PCDHAC2: variants seen among roughly 807,000 people sequenced by gnomAD.
PCDHAC2 encodes protocadherin alpha-C2.
Under a neutral mutation model 63.3 loss-of-function variants are expected in PCDHAC2, and 24 were observed. The ratio of observed to expected loss-of-function variants is 0.38; its 90% CI spans 0.27 to 0.53. The LOEUF is 0.53. PCDHAC2 is among the 20% of genes least tolerant of loss of function. The pLI, the probability that PCDHAC2 is intolerant of heterozygous loss-of-function variation, is 0.81. For missense variants in PCDHAC2, 1,181 were observed against 1,275.2 expected, an observed-to-expected ratio of 0.93 and a Z score of 1.12; for synonymous variants, 569 against 529.4, an observed-to-expected ratio of 1.07 and a Z score of -1.03.
intron 3 of PCDHAC2, among the ~76,000 whole-genome samples, chr5:140,984,877 C>A (rs1178230954): frequency 1.3e-5 from 2 of 151,944 alleles, no homozygotes; most frequent in Non-Finnish European, 2.9e-5. Flanking sequence ...TATTGAGTTA[C>A]CATGAGAACT....
At chr5:141,006,637 T>C (rs782585273) in intron 3 of PCDHAC2, among the ~76,000 whole-genome samples, 8 of 152,118 alleles carry the variant, frequency 5.3e-5, no homozygotes, top group Non-Finnish European at 1.2e-4. Flanking sequence ...GCAATTCATA[T>C]AAGAGATGAT....
At position 140,992,156 on chromosome 5, in the gene PCDHAC2, A is replaced by G. The variant is rs79603129; in HGVS notation, c.2713+9593A>G. On this transcript the variant is annotated intron_variant, in intron 3 of 3. Coordinates refer to ENST00000289269, the MANE Select transcript of PCDHAC2 (RefSeq NM_018899.6). ...TGATGATGCTAACTTTGCTCAATCA[A>G]GAAGTGTGATCCATTTAAATCATGC... Among the ~76,000 whole-genome samples the G allele has an allele frequency of 2.1e-3, 313 of 152,232 alleles. 2 individuals carry two copies. The highest frequency in any genetic ancestry group is 3.8e-3 in the Non-Finnish European group (258 of 67,998).
intron 3 of PCDHAC2, among the ~76,000 whole-genome samples, chr5:140,983,433 G>A (rs1306046524): frequency 1.3e-5 from 2 of 152,208 alleles, no homozygotes; most frequent in African/African-American, 4.8e-5. Context: ...CACAAATTGT[G>A]TCTACTCTAA....
At chr5:141,005,548 A>G (rs970223535) in intron 3 of PCDHAC2, among the ~76,000 whole-genome samples, 2 of 151,322 alleles carry the variant, frequency 1.3e-5, no homozygotes, top group African/African-American at 4.9e-5. Flanking sequence ...CTAAAAATAC[A>G]AAAATTAGCC....
chr5:140,994,281 G>T (rs2097610222), intron 3 of PCDHAC2, among the ~76,000 whole-genome samples: 1 of 152,144 alleles, frequency 6.6e-6, no homozygotes. Flanking sequence ...CCTTTCTTGA[G>T]ACAGTCCCCA....
At position 140,967,460 on chromosome 5, in the gene PCDHAC2, G is replaced by C; in HGVS notation, c.694G>C (p.Gly232Arg). 6.2e-7 allele frequency: 1 copy of C among 1,613,538 alleles called. No homozygotes were observed. The highest frequency in any genetic ancestry group is 1.3e-5 in the African/African-American group (1 of 75,062). Residue 232 changes from glycine to arginine, a missense_variant, in exon 1 of 4, where the codon GGG becomes CGG. By Grantham distance (125) the Gly-to-Arg change is moderately radical. This residue lies in a region of PCDHAC2 where 968 missense variants were observed against 1,073.5 expected (regional missense o/e 0.90). Coordinates refer to ENST00000289269, the MANE Select transcript of PCDHAC2 (RefSeq NM_018899.6). ...CCACCTGGTTCTCACAGCCGTGGAT[G>C]GGGGCATCCCAGCCCGCTCGGGTAC... is the stretch of plus-strand genomic sequence containing the variant. Reference protein sequence around the residue: ...LHHLVLTAVDGGIPARSGTAQ... With the variant: ...LHHLVLTAVDRGIPARSGTAQ...
chr5:140,985,096 C>A (rs1486346952), intron 3 of PCDHAC2, among the ~76,000 whole-genome samples: 1 of 152,096 alleles, frequency 6.6e-6, no homozygotes, highest in Non-Finnish European at 1.5e-5. Context: ...TGCCACCAAG[C>A]CTGGCTAATT....
At position 140,993,460 on chromosome 5, in the gene PCDHAC2, T is replaced by TCACACA. The variant is rs1554253699; in HGVS notation, c.2713+10898_2713+10899insACACAC. ...TTCATTCCTGTTCTCCTTCTTTCTT[T>TCACACA]CTCACACACACACACACACACACAC... On this transcript the variant is annotated intron_variant, in intron 3 of 3. Transcript: ENST00000289269. Among the ~76,000 whole-genome samples, 49 of 104,564 alleles carry TCACACA rather than the reference T, an allele frequency of 4.7e-4. 1 individual carries two copies. Among genetic ancestry groups the TCACACA allele is most frequent in the Admixed American group, 1.8e-3 (15 of 8,460 alleles). 68.6% of individuals were successfully genotyped at this position (104,564 alleles called of 152,430 possible).
chr5:141,009,702 C>T lies in PCDHAC2; in HGVS notation c.2789C>T (p.Pro930Leu). 1 of 1,614,056 alleles carries T rather than the reference C, an allele frequency of 6.2e-7. No individual in the cohort carries two copies. The highest frequency in any genetic ancestry group is 8.5e-7 in the Non-Finnish European group (1 of 1,180,028). The change falls in exon 4 of 4, where the codon CCA becomes CTA. Residue 930 changes from proline to leucine, a missense_variant. Transcript: ENST00000289269. ...AACAGCTGGACCTTTAAATACGGAC[C>T]AGGCAACCCCAAACAATCCGGTCCC... is the stretch of plus-strand genomic sequence containing the variant. The part of the protein sequence containing the change: ...NSNSWTFKYG[P>L]GNPKQSGPGE...
intron 3 of PCDHAC2, among the ~76,000 whole-genome samples, chr5:141,005,012 G>T (rs782256217): frequency 3.3e-5 from 5 of 152,212 alleles, no homozygotes; most frequent in Non-Finnish European, 4.4e-5. Context: ...CCTGAGAGCT[G>T]CATTATATAT....
intron 3 of PCDHAC2, among the ~76,000 whole-genome samples, chr5:141,002,682 G>T (rs536105955): frequency 6.6e-6 from 1 of 152,140 alleles, no homozygotes; most frequent in Non-Finnish European, 1.5e-5. Flanking sequence ...CCTATACGAC[G>T]TGCAGATTTG....
chr5:140,967,056 G>C lies in PCDHAC2; in HGVS notation c.290G>C (p.Gly97Ala). 6.2e-7 allele frequency: 1 copy of C among 1,612,712 alleles called. No homozygotes were observed. Among genetic ancestry groups the C allele is most frequent in the Non-Finnish European group, 8.5e-7 (1 of 1,179,686 alleles). The change falls in exon 1 of 4, where the codon GGA (glycine) becomes GCA (alanine). Residue 97 changes from glycine (G) to alanine (A), a missense_variant. Transcript: ENST00000289269. ...PRYLELDLTS[G>A]ALFVNERIDR... ...TACCTGGAGCTGGACCTGACGAGTG[G>C]AGCGCTCTTCGTCAACGAGCGCATT...
Position 140,968,365 on chromosome 5 carries a change from T to C in PCDHAC2, c.1599T>C (p.Ala533=), listed in dbSNP as rs1554230638. The part of the protein sequence containing the change: ...SINSASGSLY[A]VNSFDYEKFR... ...ACAGTGCCAGTGGCAGCCTTTATGCTGTCAACTCCTTTGACTATGAGAAGT... is the reference window on the plus strand; with the variant it reads ...ACAGTGCCAGTGGCAGCCTTTATGCCGTCAACTCCTTTGACTATGAGAAGT... The change falls in exon 1 of 4, where the codon GCT becomes GCC. Residue 533 remains alanine (A), a synonymous_variant. Coordinates refer to ENST00000289269, the MANE Select transcript of PCDHAC2 (RefSeq NM_018899.6). 1 of 1,614,112 alleles carries C rather than the reference T, an allele frequency of 6.2e-7. No homozygotes were observed. Among genetic ancestry groups the C allele is most frequent in the Non-Finnish European group, 8.5e-7 (1 of 1,180,020 alleles).
chr5:141,000,421 A>ATATTTTT (rs1265241806), intron 3 of PCDHAC2, among the ~76,000 whole-genome samples: 1 of 27,968 alleles, frequency 3.6e-5, no homozygotes, highest in Non-Finnish European at 5.7e-5. Context: ...ATATATATAT[A>ATATTTTT]TTTTTTTTTT....
chr5:141,002,135 G>A (rs1265359430), intron 3 of PCDHAC2, among the ~76,000 whole-genome samples: 1 of 152,236 alleles, frequency 6.6e-6, no homozygotes, highest in African/African-American at 2.4e-5. Flanking sequence ...AGCCTTTGCC[G>A]GCTGCACTGA....
At chr5:140,989,947 T>G (rs2097368215) in intron 3 of PCDHAC2, among the ~76,000 whole-genome samples, 1 of 152,062 alleles carries the variant, frequency 6.6e-6, no homozygotes, top group Non-Finnish European at 1.5e-5. Context: ...CACGTTTTTC[T>G]CGGTGAGACC....
chr5:140,975,841 G>T (rs1389959509), intron 1 of PCDHAC2, among the ~76,000 whole-genome samples: 1 of 152,066 alleles, frequency 6.6e-6, no homozygotes, highest in Non-Finnish European at 1.5e-5. Context: ...TTATTCTTCA[G>T]TAATACTACA....
chr5:140,996,341 C>T (rs1554255109), intron 3 of PCDHAC2, among the ~76,000 whole-genome samples: 2 of 152,160 alleles, frequency 1.3e-5, no homozygotes, highest in African/African-American at 4.8e-5. Context: ...AGTTTGAAAA[C>T]CCAACCAAAG....
Position 141,010,304 on chromosome 5 carries a change from A to C in PCDHAC2, c.*367A>C. 1.3e-6 allele frequency: 2 copies of C among 1,548,750 alleles called. No homozygotes were observed. Among genetic ancestry groups the C allele is most frequent in the Non-Finnish European group, 8.7e-7 (1 of 1,146,136 alleles). On this transcript the variant is annotated 3_prime_UTR_variant, in exon 4 of 4. Coordinates refer to ENST00000289269, the MANE Select transcript of PCDHAC2 (RefSeq NM_018899.6). ...ATGACACTTGCAGGGCAGGCTGAAA[A>C]GTTTTGAGATTGAGCAGCTTGGGAG...
Sources: allele counts gnomAD v4.1 joint callset (sites outside exome capture counted in the v4.1 genomes callset), GRCh38; gene constraint gnomAD v4.1.1; regional missense constraint gnomAD v4.1.1; transcripts MANE v1.5; gene names NCBI Gene and HGNC (gene_info 2026-07-23, HGNC 2026-07-21).